The following RGS7 variants were observed in gnomAD, a reference collection of about 807,000 sequenced individuals.
The protein encoded by RGS7 is regulator of G protein signaling 7.
In RGS7, 27 loss-of-function variants were observed where a neutral mutation model predicts 81.1. That is an observed-to-expected ratio of 0.33 (90% CI 0.25 to 0.46). The LOEUF (loss-of-function observed/expected upper bound fraction) is 0.46. Among genes scored for constraint, RGS7 ranks in the 20% least tolerant of loss-of-function variants. The probability of loss-of-function intolerance (pLI) is 1.00; values close to 1 mark genes in which losing one functional copy is unlikely to be tolerated. For missense variants in RGS7, 396 were observed against 607.4 expected (o/e 0.65, Z 3.66); for synonymous variants, 208 against 207.7 (o/e 1.00, Z -0.01).
intron 3 of RGS7, among the ~76,000 whole-genome samples, chr1:241,052,465 T>C (rs763872239): frequency 6.6e-6 from 1 of 152,156 alleles, no homozygotes; most frequent in Admixed American, 6.5e-5. Context: ...GCACGGCCCA[T>C]GCACAGTGTC....
At chr1:241,226,323 GGAGGCTGGAAGAA>G (rs2075306217) in intron 2 of RGS7, among the ~76,000 whole-genome samples, 3 of 152,158 alleles carry the variant, frequency 2.0e-5, no homozygotes, top group African/African-American at 4.8e-5. Context: ...ACGTTTGAGA[GGAGGCTGGAAGAA>G]GGAGCATTCT....
intron 3 of RGS7, among the ~76,000 whole-genome samples, chr1:241,061,394 A>G (rs1271785575): frequency 6.6e-6 from 1 of 152,222 alleles, no homozygotes; most frequent in Admixed American, 6.5e-5. Context: ...AATTTAGAAG[A>G]GTTCGACAGA....
chr1:241,335,547 C>T (rs924144252), intron 2 of RGS7, among the ~76,000 whole-genome samples: 1 of 152,090 alleles, frequency 6.6e-6, no homozygotes, highest in Non-Finnish European at 1.5e-5. Context: ...GAATTCTAAC[C>T]CTTTCTTCCT....
At chr1:240,796,190 T>A (rs752390377) in intron 18 of RGS7, among the ~76,000 whole-genome samples, 2 of 152,222 alleles carry the variant, frequency 1.3e-5, no homozygotes, top group African/African-American at 4.8e-5. Context: ...TTTTACCATG[T>A]TACCACTTAT....
At chr1:240,927,798 A>T (rs1431282776) in intron 6 of RGS7, among the ~76,000 whole-genome samples, 2 of 152,188 alleles carry the variant, frequency 1.3e-5, no homozygotes, top group South Asian at 2.1e-4. Flanking sequence ...GAGGAAAAAA[A>T]CCCAAACATA....
chr1:240,885,682 T>A (rs1357606643), intron 6 of RGS7, among the ~76,000 whole-genome samples: 4 of 151,976 alleles, frequency 2.6e-5, no homozygotes, highest in African/African-American at 9.7e-5. Context: ...CACTTATAAG[T>A]GGGAGCTAAA....
In RGS7 at chr1:241,108,451, A is replaced by C. The variant is rs114938971; in HGVS notation, c.79-9689T>G. Among the ~76,000 whole-genome samples, 1,231 of 152,324 alleles carry C rather than the reference A, an allele frequency of 8.1e-3. 21 individuals carry two copies. Among genetic ancestry groups the C allele is most frequent in the African/African-American group, 0.027 (1,107 of 41,570 alleles). ...GCATGACCAAATAGGCCAAGTGGTT[A>C]ATTACATTGCACTCTTCGGCATGGT... On this transcript the variant is annotated intron_variant, in intron 2 of 18. Coordinates refer to ENST00000440928, the MANE Select transcript of RGS7 (RefSeq NM_001364886.1).
At chr1:240,800,584 C>T (rs948576437) in intron 18 of RGS7, 57 bp downstream of exon 18, 42 of 1,108,980 alleles carry the variant, frequency 3.8e-5, no homozygotes, top group Non-Finnish European at 4.7e-5. Context: ...TGGAGCTAAA[C>T]CACACAACTC....
intron 2 of RGS7, among the ~76,000 whole-genome samples, chr1:241,286,250 T>A (rs557435437): frequency 6.6e-4 from 101 of 152,216 alleles, no homozygotes; most frequent in Non-Finnish European, 1.3e-3. Flanking sequence ...TAGGGACCAT[T>A]TTGCTGGTGA....
Position 240,875,089 on chromosome 1 carries a change from A to G in RGS7, c.386-4970T>C, listed in dbSNP as rs971867160. ...AAAACAAAAAACTACTCTCTTGGCA[A>G]TTTTCAAGTATTAATGGTAACTATC... On this transcript the variant is annotated intron_variant, in intron 6 of 18. Coordinates refer to ENST00000440928, the MANE Select transcript of RGS7 (RefSeq NM_001364886.1). 5.3e-5 allele frequency among the ~76,000 whole-genome samples: 8 copies of G among 152,036 alleles called. No homozygotes were observed. The South Asian group carries it at 1.7e-3, about 32-fold the overall frequency.
chr1:241,030,244 C>T (rs1430184074), intron 3 of RGS7, among the ~76,000 whole-genome samples: 1 of 151,546 alleles, frequency 6.6e-6, no homozygotes, highest in Non-Finnish European at 1.5e-5. Context: ...TTACATCAGC[C>T]GTGGGCTGTT....
At chr1:240,944,272 GTGTGTGTGTGTATATATA>G (rs1340756087) in intron 4 of RGS7, among the ~76,000 whole-genome samples, 449 of 37,008 alleles carry the variant, frequency 0.012, 2 homozygotes, top group African/African-American at 0.02. Flanking sequence ...GTGTGTGTGT[GTGTGTGTGTGTATATATA>G]TATATATATA....
At chr1:241,277,613 C>T (rs369440491) in intron 2 of RGS7, among the ~76,000 whole-genome samples, 2,089 of 128,230 alleles carry the variant, frequency 0.016, 29 homozygotes, top group African/African-American at 0.033. Context: ...AACGAGACTC[C>T]ATCTCAAAAA....
At chr1:241,111,218 T>G (rs7521857) in intron 2 of RGS7, among the ~76,000 whole-genome samples, 47,784 of 152,046 alleles carry the variant, frequency 0.31, 12,472 homozygotes, top group African/African-American at 0.72. Context: ...AAATTCTGTA[T>G]GTAAATTATC....
At chr1:241,169,875 C>G (rs958749052) in intron 2 of RGS7, among the ~76,000 whole-genome samples, 1 of 151,910 alleles carries the variant, frequency 6.6e-6, no homozygotes, top group South Asian at 2.1e-4. Context: ...TAACAAGCAT[C>G]CTCAATGCTT....
chr1:241,181,043 G>T (rs548675040), intron 2 of RGS7, among the ~76,000 whole-genome samples: 2 of 152,344 alleles, frequency 1.3e-5, no homozygotes, highest in South Asian at 4.1e-4. Context: ...GTGGTTGTCA[G>T]GGGTTAGAGG....
chr1:241,191,280 C>T (rs2072631780), intron 2 of RGS7, among the ~76,000 whole-genome samples: 1 of 152,100 alleles, frequency 6.6e-6, no homozygotes, highest in Non-Finnish European at 1.5e-5. Flanking sequence ...TGCCCGGCCT[C>T]CACTATTGTT....
intron 9 of RGS7, among the ~76,000 whole-genome samples, chr1:240,867,951 A>G (rs1663616478): frequency 6.6e-6 from 1 of 151,542 alleles, no homozygotes; most frequent in Non-Finnish European, 1.5e-5. Flanking sequence ...CAGTGAGCCA[A>G]GATCATGCCA....
In RGS7 at chr1:241,082,793, A is replaced by G. The variant is rs180673853; in HGVS notation, c.175+15873T>C. Among the ~76,000 whole-genome samples, 455 of 152,346 alleles carry G rather than the reference A, an allele frequency of 3.0e-3. 1 individual carries two copies. The highest frequency in any genetic ancestry group is 4.6e-3 in the Non-Finnish European group (316 of 68,036). ...TCCCAATTACCCTGACTTGATCATT[A>G]CCCACTTTATATATGTATCAATATA... On this transcript the variant is annotated intron_variant, in intron 3 of 18. Transcript: ENST00000440928.
Sources: gnomAD v4.1 joint callset for allele counts (sites outside exome capture counted in the v4.1 genomes callset) on GRCh38, gnomAD v4.1.1 for gene constraint, MANE v1.5 for transcripts, NCBI Gene and HGNC (gene_info 2026-07-23, HGNC 2026-07-21) for gene names.